Variants in HMCN2 observed in about 807,000 individuals in gnomAD.
The protein encoded by HMCN2 is hemicentin-2.
A neutral mutation model predicts 377.5 loss-of-function variants in HMCN2; 325 were observed. The observed-to-expected ratio is 0.86, with a 90% CI of 0.79 to 0.94. HMCN2 has a LOEUF of 0.94. Among genes scored for constraint, HMCN2 ranks in the 40% least tolerant of loss-of-function variants. The pLI is 0.00. For missense variants in HMCN2, 4,543 were observed against 4,725.3 expected, an observed-to-expected ratio of 0.96 and a Z score of 1.13; for synonymous variants, 2,007 against 2,046.8, an observed-to-expected ratio of 0.98 and a Z score of 0.53.
rs1554935873 is a variant in HMCN2, at chr9:130,304,684, C to CCCTTG, written c.1544-42_1544-38dup. On this transcript the variant is annotated intron_variant, in intron 10 of 97. Transcript: ENST00000683500. This position sits in a 1 kb window ranked among gnomAD's most constrained non-coding sequence, Gnocchi z 4.3. The stretch of plus-strand genomic sequence containing the variant: ...ACCAGGGCTTGCACGATGACCCCCT[C>CCCTTG]CCTTGCCTCAGCTCCTTGGTTCCTC... 4.6e-6 allele frequency: 2 copies of CCCTTG among 430,376 alleles called. No individual in the cohort carries two copies. The highest frequency in any genetic ancestry group is 4.9e-5 in the Admixed American group (2 of 41,078). 26.7% of individuals were successfully genotyped at this position (430,376 alleles called of 1,614,324 possible).
chr9:130,403,207 G>A lies in HMCN2; in HGVS notation c.11892G>A (p.Val3964=). ...CGTCCTTTGTAGCCTCCCCGGTGGT[G>A]AAGCCGCTGCCCAGCGTGGTTCGGG... ...VFLTVQASPV[V]KPLPSVVRAV... The change falls in exon 79 of 98, where the codon GTG becomes GTA. Residue 3964 remains valine (V), a synonymous_variant. Transcript: ENST00000683500. 3 of 1,289,356 alleles carry A rather than the reference G, an allele frequency of 2.3e-6. No homozygotes were observed. The highest frequency in any genetic ancestry group is 3.0e-6 in the Non-Finnish European group (3 of 988,582). 79.9% of individuals were successfully genotyped at this position (1,289,356 alleles called of 1,614,324 possible).
At chr9:130,355,711 A>G (rs1588297271) in intron 32 of HMCN2, 35 bp from the exon 33 acceptor site, 1 of 1,235,340 alleles carries the variant, frequency 8.1e-7, no homozygotes, top group South Asian at 1.3e-5. Flanking sequence ...GTGGCTGCTC[A>G]GCTCCAAACA....
intron 90 of HMCN2, 130 bp downstream of exon 90, chr9:130,426,054 A>G: frequency 1.4e-6 from 1 of 725,562 alleles, no homozygotes; most frequent in Non-Finnish European, 2.3e-6. Flanking sequence ...CTTCAGACTG[A>G]GACGGCCCGG....
intron 89 of HMCN2, among the ~76,000 whole-genome samples, chr9:130,425,419 AGAGGCTCTGG>A (rs895903053): frequency 1.3e-5 from 2 of 151,894 alleles, no homozygotes; most frequent in African/African-American, 4.8e-5. Flanking sequence ...GCTGGTTAGA[AGAGGCTCTGG>A]GAGGCTCACC....
At chr9:130,395,519 T>C (rs1183323294) in intron 71 of HMCN2, among the ~76,000 whole-genome samples, 172 bp downstream of exon 71, 3 of 152,146 alleles carry the variant, frequency 2.0e-5, no homozygotes, top group African/African-American at 7.2e-5. Context: ...CACTCCCATT[T>C]TATGGATGGG....
At chr9:130,425,993 G>A (rs117467454) in intron 90 of HMCN2, 69 bp downstream of exon 90, 30,745 of 1,196,018 alleles carry the variant, frequency 0.026, 550 homozygotes, top group South Asian at 0.052. Context: ...CCAAATGCAC[G>A]TGGCTGGAAT....
Position 130,400,894 on chromosome 9 carries a change from A to G in HMCN2, c.11717A>G (p.Lys3906Arg). 1 of 1,289,520 alleles carries G rather than the reference A, an allele frequency of 7.8e-7. No homozygotes were observed. The highest frequency in any genetic ancestry group is 1.0e-6 in the Non-Finnish European group (1 of 988,724). The allele number at this position is 1,289,520 out of a possible 1,614,324, so 79.9% of individuals were successfully genotyped here. ...GIPAPTVSWS[K>R]AGAQLGARGS... The stretch of plus-strand genomic sequence containing the variant: ...CCAGCTCCGACCGTGTCCTGGAGCA[A>G]GGCAGGCGCCCAGCTAGGAGCTCGG... Residue 3906 changes from lysine (K) to arginine (R), a missense_variant, in exon 77 of 98, where the codon AAG becomes AGG. This residue lies in a region of HMCN2 where 1,073 missense variants were observed against 1,319.5 expected (regional missense o/e 0.81). Transcript: ENST00000683500.
chr9:130,277,296 G>T (rs1352521963), intron 1 of HMCN2, among the ~76,000 whole-genome samples: 1 of 152,252 alleles, frequency 6.6e-6, no homozygotes, highest in Non-Finnish European at 1.5e-5. Context: ...CAGCCAGCAG[G>T]CCTGCTCGGA....
intron 3 of HMCN2, 75 bp downstream of exon 3, chr9:130,285,391 C>T: frequency 2.2e-6 from 1 of 447,542 alleles, no homozygotes; most frequent in Non-Finnish European, 4.6e-6. Context: ...TCTCTCACCA[C>T]CTGAGCCACC....
In HMCN2 at chr9:130,285,284, C is replaced by T. The variant is rs1554927255; in HGVS notation, c.457C>T (p.Leu153=). The T allele has an allele frequency of 8.5e-6, 4 of 471,196 alleles. No individual in the cohort carries two copies. The highest frequency in any genetic ancestry group is 6.2e-5 in the South Asian group (4 of 64,572). 29.2% of individuals were successfully genotyped at this position (471,196 alleles called of 1,614,324 possible). A position where few individuals can be genotyped will look rare whatever the true frequency, so the allele number is the denominator to read the frequency against. The change falls in exon 3 of 98, where the codon CTG becomes TTG. Residue 153 remains leucine, a synonymous_variant. Coordinates refer to ENST00000683500, the MANE Select transcript of HMCN2 (RefSeq NM_001291815.2). ...RAKDYHKKEE[L]LRLLQLKQSQ... Reference sequence around the variant, plus strand: ...CAAAGACTATCACAAGAAGGAAGAGCTGCTGCGGCTCCTGCAGCTCAAGCA... The same window carrying T: ...CAAAGACTATCACAAGAAGGAAGAGTTGCTGCGGCTCCTGCAGCTCAAGCA...
At chr9:130,310,524 C>G (rs1387766048) in intron 15 of HMCN2, among the ~76,000 whole-genome samples, 1 of 152,190 alleles carries the variant, frequency 6.6e-6, no homozygotes, top group East Asian at 1.9e-4. Context: ...AAGTAACAAG[C>G]CATCGCTTCT....
At chr9:130,401,627 A>G (rs765927491) in intron 77 of HMCN2, among the ~76,000 whole-genome samples, 1 of 152,138 alleles carries the variant, frequency 6.6e-6, no homozygotes, top group Non-Finnish European at 1.5e-5. Context: ...CTGGCCTAAC[A>G]TGGTGATTTT....
chr9:130,380,376 C>T (rs567461349), intron 54 of HMCN2, among the ~76,000 whole-genome samples: 153 of 152,254 alleles, frequency 1.0e-3, no homozygotes, highest in African/African-American at 3.3e-3. Context: ...GTTTGAGATT[C>T]GAACTGTGTC....
Position 130,406,313 on chromosome 9 carries a change from A to G in HMCN2, c.12553+145A>G, listed in dbSNP as rs59640315. 537 of 600,404 alleles carry G rather than the reference A, an allele frequency of 8.9e-4. 2 individuals are homozygous for G. Among genetic ancestry groups the G allele is most frequent in the African/African-American group, 8.8e-3 (469 of 53,002 alleles). 37.2% of individuals were successfully genotyped at this position (600,404 alleles called of 1,614,324 possible). ...GTTCTGGGTCTTCCAACGTGGCCCT[A>G]TGTAGGGGGACAGGGCAAACCCAGC... On this transcript the variant is annotated intron_variant, in intron 82 of 97. Coordinates refer to ENST00000683500, the MANE Select transcript of HMCN2 (RefSeq NM_001291815.2).
rs1842510194 is a variant in HMCN2, at chr9:130,394,617, G to A, written c.10692+42G>A. 1 of 1,242,842 alleles carries A rather than the reference G, an allele frequency of 8.0e-7. No individual in the cohort carries two copies. The highest frequency in any genetic ancestry group is 1.0e-6 in the Non-Finnish European group (1 of 962,182). 77.0% of individuals were successfully genotyped at this position (1,242,842 alleles called of 1,614,324 possible). ...CATGGGGCGAGGCTGGGGGTTGGGG[G>A]AGAGGGGAGGGACTGCAGGTTCCCC... On this transcript the variant is annotated intron_variant, in intron 69 of 97. Transcript: ENST00000683500. This position sits in a 1 kb window ranked among gnomAD's most constrained non-coding sequence, Gnocchi z 5.1.
Position 130,433,595 on chromosome 9 carries a change from A to G in HMCN2, c.15142A>G (p.Thr5048Ala), listed in dbSNP as rs1844905808. The G allele has an allele frequency of 1.3e-5, 19 of 1,511,110 alleles. No individual in the cohort carries two copies. Among genetic ancestry groups the G allele is most frequent in the Non-Finnish European group, 1.3e-5 (15 of 1,131,910 alleles). The allele number at this position is 1,511,110 out of a possible 1,614,324, so 93.6% of individuals were successfully genotyped here. A position where few individuals can be genotyped will look rare whatever the true frequency, so the allele number is the denominator to read the frequency against. ...CGCGGTCTACACCCGTCGCGCGCTC[A>G]CCCGCGCCGGCCTCTACCGGCTCAC... ...LGAVYTRRALTRAGLYRLTVR... is the reference protein window; with the variant it reads ...LGAVYTRRALARAGLYRLTVR... The change falls in exon 98 of 98, where the codon ACC (threonine) becomes GCC (alanine). Residue 5048 changes from threonine to alanine, a missense_variant. Around this residue, in one of 5 missense-constraint regions of HMCN2, gnomAD observed 1,155 missense variants for 1,157.7 expected, o/e 1.00. Transcript: ENST00000683500.
rs1840458614 is a variant in HMCN2 at position 130,362,873 on chromosome 9, C to T, written c.6115C>T (p.Pro2039Ser). The stretch of plus-strand genomic sequence containing the variant: ...CTTCCCCCTGGGGTCACAGGTCTTC[C>T]CTGGGGGCCGGGTCCTCACCTTGGC... Reference protein sequence around the residue: ...PAGTPGLQVFPGGRVLTLASA... With the variant: ...PAGTPGLQVFSGGRVLTLASA... The change falls in exon 40 of 98, where the codon CCT (proline) becomes TCT (serine). Residue 2039 changes from proline to serine, a missense_variant. This residue lies in a region of HMCN2 where 1,032 missense variants were observed against 1,285.1 expected (regional missense o/e 0.80). Transcript: ENST00000683500. 2.0e-6 allele frequency: 2 copies of T among 985,918 alleles called. No individual in the cohort carries two copies. Among genetic ancestry groups the T allele is most frequent in the Non-Finnish European group, 2.4e-6 (2 of 829,958 alleles). 61.1% of individuals were successfully genotyped at this position (985,918 alleles called of 1,614,324 possible).
rs1844148100 is a variant in HMCN2 at position 130,423,682 on chromosome 9, G to A, written c.13381+956G>A. On this transcript the variant is annotated intron_variant, in intron 87 of 97. Coordinates refer to ENST00000683500, the MANE Select transcript of HMCN2 (RefSeq NM_001291815.2). The surrounding 1 kb of genome is among the most constrained non-coding windows in gnomAD (Gnocchi z 5.5). ...CTGACTCAGAGCAAGTGGGGAGCGG[G>A]TGTGTTCCCCTTGCCCAGTCCATGG... Among the ~76,000 whole-genome samples the A allele has an allele frequency of 6.6e-6, 1 of 152,238 alleles. No individual in the cohort carries two copies. The highest frequency in any genetic ancestry group is 2.4e-5 in the African/African-American group (1 of 41,466).
rs372030862 is a variant in HMCN2, at chr9:130,306,846, AG to A, written c.1999del (p.Val667Ter). ...HVDAQGTLII[Q>X]GVAPEDAGNY... is the part of the protein sequence containing the mutation. ...GACGCACAGGGAACCCTGATTATTC[AG>A]GGGGTAGCCCCAGAGGATGCTGGGA... On this transcript the variant is annotated frameshift_variant, in exon 13 of 98. Coordinates refer to ENST00000683500, the MANE Select transcript of HMCN2 (RefSeq NM_001291815.2). LOFTEE classifies it high-confidence loss of function. 1.5e-5 allele frequency: 7 copies of A among 470,824 alleles called. No individual in the cohort carries two copies. The highest frequency in any genetic ancestry group is 3.2e-4 in the Middle Eastern group (1 of 3,098). The allele number at this position is 470,824 out of a possible 1,614,324, so 29.2% of individuals were successfully genotyped here.
Sources: gnomAD v4.1 joint callset for allele counts (sites outside exome capture counted in the v4.1 genomes callset) on GRCh38, gnomAD v4.1.1 for gene constraint, gnomAD v4.1.1 regional missense constraint, Gnocchi (gnomAD v3.1) non-coding constraint, MANE v1.5 for transcripts, NCBI Gene and HGNC (gene_info 2026-07-23, HGNC 2026-07-21) for gene names.